Variants in RAPGEF5 observed in about 807,000 individuals in gnomAD.
RAPGEF5 encodes the protein M-Ras-regulated GEF.
RAPGEF5 carries 65 observed loss-of-function variants against 125.2 expected under a neutral mutation model. That is an observed-to-expected ratio of 0.52 (90% CI 0.43 to 0.64). RAPGEF5 has a LOEUF of 0.64. Ranked by LOEUF, RAPGEF5 falls within the 30% of genes least tolerant of loss-of-function variation. The probability of loss-of-function intolerance (pLI) is 0.00; values close to 1 mark genes in which losing one functional copy is unlikely to be tolerated. For missense variants in RAPGEF5, 958 were observed against 1,048.1 expected (o/e 0.91, Z 1.19); for synonymous variants, 391 against 385.9 (o/e 1.01, Z -0.16).
chr7:22,192,621 G>A (rs759937608), intron 11 of RAPGEF5: 3 of 152,208 alleles, frequency 2.0e-5, no homozygotes, highest in Non-Finnish European at 4.4e-5. Flanking sequence ...CTCCAGCATG[G>A]AACAAATTAC....
At chr7:22,193,669 G>T (rs987287685) in intron 10 of RAPGEF5, 7 of 1,550,736 alleles carry the variant, frequency 4.5e-6, no homozygotes, top group Non-Finnish European at 6.1e-6. Context: ...CATTGTGAAC[G>T]GTTACTAACA....
intron 6 of RAPGEF5, among the ~76,000 whole-genome samples, chr7:22,282,259 A>AT (rs879549741): frequency 9.9e-5 from 15 of 152,088 alleles, no homozygotes; most frequent in Admixed American, 2.6e-4. Flanking sequence ...ACCAAGCTGT[A>AT]TTTTTTTTCC....
chr7:22,313,978 C>G (rs536468068), intron 3 of RAPGEF5, among the ~76,000 whole-genome samples: 2 of 152,298 alleles, frequency 1.3e-5, no homozygotes, highest in East Asian at 1.9e-4. Context: ...AACAGCAGAT[C>G]TTGGAGCTTT....
In RAPGEF5 at chr7:22,262,287, C is replaced by A. The variant is rs78859070; in HGVS notation, c.796+4677G>T. On this transcript the variant is annotated intron_variant, in intron 7 of 25. Coordinates refer to ENST00000665637, the MANE Select transcript of RAPGEF5 (RefSeq NM_012294.5). ...ACAAACAATTCACCAAAAACAACAT[C>A]CAGATGGCAAATAAGCACTTGAGAA... 5.1e-3 allele frequency among the ~76,000 whole-genome samples: 775 copies of A among 152,100 alleles called. 4 individuals carry two copies. The highest frequency in any genetic ancestry group is 8.3e-3 in the Non-Finnish European group (564 of 67,972).
intron 11 of RAPGEF5, among the ~76,000 whole-genome samples, chr7:22,170,048 C>G (rs1323823424): frequency 6.6e-6 from 1 of 150,558 alleles, no homozygotes; most frequent in Non-Finnish European, 1.5e-5. Context: ...TTTTTGCACT[C>G]AATATTAGAC....
chr7:22,183,798 C>A (rs1041159314), intron 11 of RAPGEF5, among the ~76,000 whole-genome samples: 31 of 152,196 alleles, frequency 2.0e-4, no homozygotes, highest in African/African-American at 6.8e-4. Context: ...AAAACCTCCA[C>A]TCTAACCTGT....
intron 2 of RAPGEF5, among the ~76,000 whole-genome samples, chr7:22,317,688 A>G (rs1003607295): frequency 2.0e-5 from 3 of 152,210 alleles, no homozygotes; most frequent in Non-Finnish European, 4.4e-5. Context: ...TTATATTTAT[A>G]TCGTATTTAT....
chr7:22,339,222 C>T (rs972898693), intron 1 of RAPGEF5, among the ~76,000 whole-genome samples: 1 of 152,182 alleles, frequency 6.6e-6, no homozygotes, highest in African/African-American at 2.4e-5. Context: ...GAAGAATCAG[C>T]GGAGAAAGGA....
chr7:22,188,206 G>C (rs1375011411), intron 11 of RAPGEF5, among the ~76,000 whole-genome samples: 1 of 152,138 alleles, frequency 6.6e-6, no homozygotes, highest in African/African-American at 2.4e-5. Context: ...CTGGCAACCT[G>C]GGAGAAAAAG....
At chr7:22,173,127 A>G (rs796570582) in intron 11 of RAPGEF5, among the ~76,000 whole-genome samples, 6 of 152,352 alleles carry the variant, frequency 3.9e-5, no homozygotes, top group African/African-American at 1.4e-4. Flanking sequence ...AGCTTTGAAC[A>G]TGAAAGGGCC....
intron 13 of RAPGEF5, among the ~76,000 whole-genome samples, chr7:22,161,336 G>A (rs1454477653): frequency 2.0e-5 from 3 of 152,118 alleles, no homozygotes; most frequent in Non-Finnish European, 1.5e-5. Flanking sequence ...AGCTGAGTAC[G>A]AGACCAGCCT....
At chr7:22,255,439 A>T (rs1209620353) in intron 7 of RAPGEF5, among the ~76,000 whole-genome samples, 1 of 152,052 alleles carries the variant, frequency 6.6e-6, no homozygotes, top group East Asian at 1.9e-4. Context: ...AAAAAAAATT[A>T]AAAATTATCT....
At chr7:22,248,054 C>A (rs1010253911) in intron 7 of RAPGEF5, among the ~76,000 whole-genome samples, 1 of 152,114 alleles carries the variant, frequency 6.6e-6, no homozygotes, top group African/African-American at 2.4e-5. Context: ...CATGCATACC[C>A]CAAACCTTAG....
chr7:22,219,357 A>G (rs1785721343), intron 9 of RAPGEF5, among the ~76,000 whole-genome samples: 1 of 151,720 alleles, frequency 6.6e-6, no homozygotes, highest in Non-Finnish European at 1.5e-5. Flanking sequence ...ACAAGCCTTC[A>G]TAAGATACTG....
In RAPGEF5 at chr7:22,133,986, AAGG is replaced by A. The variant is rs150560127; in HGVS notation, c.2416+2049_2416+2051del. Among the ~76,000 whole-genome samples the A allele has an allele frequency of 8.5e-5, 13 of 152,332 alleles. 1 individual carries two copies. The East Asian group carries it at 2.5e-3, about 29-fold the overall frequency. ...GGGGGCCTAATCCTTCTTAAACACC[AAGG>A]AGTTCAATTTGGTCCCATTTTTCTA... On this transcript the variant is annotated intron_variant, in intron 23 of 25. Transcript: ENST00000665637.
chr7:22,336,229 T>C (rs1331107178), intron 1 of RAPGEF5, among the ~76,000 whole-genome samples: 1 of 152,214 alleles, frequency 6.6e-6, no homozygotes, highest in Non-Finnish European at 1.5e-5. Context: ...CAACTGATGG[T>C]GACTGCCACC....
chr7:22,312,054 G>C (rs1047426784), intron 3 of RAPGEF5, among the ~76,000 whole-genome samples: 2 of 152,198 alleles, frequency 1.3e-5, no homozygotes, highest in Admixed American at 1.3e-4. Flanking sequence ...TGCAAAGGTA[G>C]CTAGATGGAT....
At chr7:22,269,430 T>C (rs540955361) in intron 6 of RAPGEF5, among the ~76,000 whole-genome samples, 10 of 152,210 alleles carry the variant, frequency 6.6e-5, no homozygotes, top group Non-Finnish European at 1.2e-4. Flanking sequence ...CTTCACATTA[T>C]CCTGGGCAAT....
rs115055588 is a variant in RAPGEF5, at chr7:22,235,370, G to C, written c.797-4451C>G. 4.2e-4 allele frequency among the ~76,000 whole-genome samples: 64 copies of C among 152,334 alleles called. No individual in the cohort carries two copies. In the South Asian group the frequency reaches 8.1e-3, roughly 19 times the overall value. ...CTTAGGCCTCAAATGTAAAATGTAC[G>C]TGTCGGTGACAGTTCATCACTGCTA... On this transcript the variant is annotated intron_variant, in intron 7 of 25. Coordinates refer to ENST00000665637, the MANE Select transcript of RAPGEF5 (RefSeq NM_012294.5).
Sources: allele counts gnomAD v4.1 joint callset (sites outside exome capture counted in the v4.1 genomes callset), GRCh38; gene constraint gnomAD v4.1.1; transcripts MANE v1.5; gene names NCBI Gene and HGNC (gene_info 2026-07-23, HGNC 2026-07-21).